The following HERPUD1 variants were observed in gnomAD, a reference collection of about 807,000 sequenced individuals.
The protein encoded by HERPUD1 is homocysteine inducible ER protein with ubiquitin like domain 1.
Under a neutral mutation model 45.0 loss-of-function variants are expected in HERPUD1, and 17 were observed. The observed-to-expected ratio is 0.38, with a 90% CI of 0.26 to 0.57. The LOEUF (loss-of-function observed/expected upper bound fraction) is 0.57, where lower values mean the gene tolerates loss of function less well. Among genes scored for constraint, HERPUD1 ranks in the 20% least tolerant of loss-of-function variants. The pLI is 0.72. For synonymous variants in HERPUD1, 164 were observed against 177.5 expected (o/e 0.92, Z 0.61); for missense variants, 420 against 490.5 (o/e 0.86, Z 1.36).
rs746452617 is a variant in HERPUD1 at position 56,932,341 on chromosome 16, A to G, written c.97A>G (p.Ser33Gly). 1 of 1,601,906 alleles carries G rather than the reference A, an allele frequency of 6.2e-7. No individual in the cohort carries two copies. Among genetic ancestry groups the G allele is most frequent in the South Asian group, 1.1e-5 (1 of 90,228 alleles). Residue 33 changes from serine (S) to glycine (G), a missense_variant, in exon 1 of 8, where the codon AGT (serine) becomes GGT (glycine). Ser to Gly is a moderately conservative substitution (Grantham distance 56). Transcript: ENST00000439977. ...DLELSGDRGW[S>G]VGHLKAHLSR... is the part of the protein sequence containing the mutation. ...GGAGCTGAGTGGCGACCGCGGCTGG[A>G]GTGTGGGCCACCTCAAGGCCCACCT...
At chr16:56,942,335 A>G in intron 7 of HERPUD1, 98 bp downstream of exon 7, 1 of 710,462 alleles carries the variant, frequency 1.4e-6, no homozygotes, top group East Asian at 2.6e-5. Context: ...TTACCATTTT[A>G]TTGGGCTAAA....
intron 4 of HERPUD1, among the ~76,000 whole-genome samples, chr16:56,938,491 A>AGGTGGAG (rs2055883292): frequency 6.6e-6 from 1 of 151,052 alleles, no homozygotes; most frequent in East Asian, 2.0e-4. Context: ...TGAATCCGGG[A>AGGTGGAG]GGTGGAGCTT....
chr16:56,933,453 T>A, intron 1 of HERPUD1: 1 of 423,472 alleles, frequency 2.4e-6, no homozygotes, highest in Non-Finnish European at 4.7e-6. Flanking sequence ...GTGGCTGTGT[T>A]GCCATGAGAA....
At position 56,942,189 on chromosome 16, in the gene HERPUD1, T is replaced by C; in HGVS notation, c.963T>C (p.Asp321=). Residue 321 remains aspartate, a synonymous_variant, in exon 7 of 8, where the codon GAT becomes GAC. Coordinates refer to ENST00000439977, the MANE Select transcript of HERPUD1 (RefSeq NM_014685.4). ...GGCCGGTTCAGAACTTCCCAAATGA[T>C]GGTCCTCCTCCTGACGTTGTAAATC... ...RPRPVQNFPN[D]GPPPDVVNQD... 6.2e-7 allele frequency: 1 copy of C among 1,614,200 alleles called. No individual in the cohort carries two copies. Among genetic ancestry groups the C allele is most frequent in the South Asian group, 1.1e-5 (1 of 91,090 alleles).
rs1409612822 is a variant in HERPUD1, at chr16:56,935,507, T to C, written c.300+32T>C. The C allele has an allele frequency of 1.3e-5, 20 of 1,572,198 alleles. No homozygotes were observed. The Admixed American group carries it at 2.2e-4, about 17-fold the overall frequency. On this transcript the variant is annotated intron_variant, in intron 3 of 7. Transcript: ENST00000439977. ...CTGCCTCTTCATGATGGTAACAATT[T>C]GTATCATTCAGACTTTCAGGGGAGT...
chr16:56,942,282 C>A, intron 7 of HERPUD1, 45 bp downstream of exon 7: 1 of 1,247,932 alleles, frequency 8.0e-7, no homozygotes, highest in Non-Finnish European at 1.2e-6. Flanking sequence ...ACGTGATATG[C>A]CAGGCTCTCC....
At chr16:56,932,789 C>A (rs2055837458) in intron 1 of HERPUD1, among the ~76,000 whole-genome samples, 1 of 152,228 alleles carries the variant, frequency 6.6e-6, no homozygotes, top group Admixed American at 6.5e-5. Flanking sequence ...GGGGCCGTGG[C>A]TTGAGAAACC....
chr16:56,932,361 C>T lies in HERPUD1; in HGVS notation c.117C>T (p.Ala39=). 1 of 1,597,108 alleles carries T rather than the reference C, an allele frequency of 6.3e-7. No individual in the cohort carries two copies. The highest frequency in any genetic ancestry group is 2.3e-5 in the East Asian group (1 of 44,254). ...GCTGGAGTGTGGGCCACCTCAAGGC[C>T]CACCTGAGCCGCGTCTACCCCGAGC... The part of the protein sequence containing the change: ...DRGWSVGHLK[A]HLSRVYPERP... The change falls in exon 1 of 8, where the codon GCC becomes GCT. Residue 39 remains alanine, a synonymous_variant. Coordinates refer to ENST00000439977, the MANE Select transcript of HERPUD1 (RefSeq NM_014685.4).
chr16:56,943,125 G>C lies in HERPUD1; in HGVS notation c.1012-1G>C. On this transcript the variant is annotated splice_acceptor_variant, in intron 7 of 7. Coordinates refer to ENST00000439977, the MANE Select transcript of HERPUD1 (RefSeq NM_014685.4). LOFTEE classifies it high-confidence loss of function. ...TTACCTCATTGTTTCATTACCTGTA[G>C]GAAGGCACTGATCCTGAAACTGAAG... 1 of 1,613,512 alleles carries C rather than the reference G, an allele frequency of 6.2e-7. No individual in the cohort carries two copies. The highest frequency in any genetic ancestry group is 8.5e-7 in the Non-Finnish European group (1 of 1,179,528).
intron 4 of HERPUD1, among the ~76,000 whole-genome samples, chr16:56,938,391 G>A (rs953228848): frequency 4.6e-5 from 7 of 152,082 alleles, no homozygotes; most frequent in East Asian, 1.9e-4. Context: ...GTGAAACCCC[G>A]TCTGTACTAA....
chr16:56,941,339 C>T (rs1454796044), intron 6 of HERPUD1: 1 of 152,204 alleles, frequency 6.6e-6, no homozygotes, highest in African/African-American at 2.4e-5. Flanking sequence ...ACCCTCTCTC[C>T]CCAGGGGACA....
intron 6 of HERPUD1, chr16:56,941,330 C>G (rs1359311121): frequency 6.6e-6 from 1 of 152,156 alleles, no homozygotes; most frequent in African/African-American, 2.4e-5. Context: ...TGGTTTTGTA[C>G]CCTCTCTCCC....
Position 56,943,650 on chromosome 16 carries a change from G to T in HERPUD1, c.*360G>T. ...CATAGAAGTCATAGATGCAGAAGTG[G>T]TTCTGCTGGTACGATTTGATTCCTG... On this transcript the variant is annotated 3_prime_UTR_variant, in exon 8 of 8. Transcript: ENST00000439977. 1 of 399,086 alleles carries T rather than the reference G, an allele frequency of 2.5e-6. No homozygotes were observed. The highest frequency in any genetic ancestry group is 2.9e-5 in the South Asian group (1 of 35,028). The allele number at this position is 399,086 out of a possible 1,614,324, so 24.7% of individuals were successfully genotyped here.
At chr16:56,933,926 G>GTAT (rs1435585580) in intron 1 of HERPUD1, among the ~76,000 whole-genome samples, 1 of 152,174 alleles carries the variant, frequency 6.6e-6, no homozygotes, top group African/African-American at 2.4e-5. Context: ...ATTCACGTAT[G>GTAT]TATTAGCATT....
intron 5 of HERPUD1, 80 bp from the exon 6 acceptor site, chr16:56,939,815 A>C: frequency 9.1e-7 from 1 of 1,093,750 alleles, no homozygotes; most frequent in East Asian, 2.4e-5. Flanking sequence ...CTTAACAGTA[A>C]AAGACTGCTG....
At chr16:56,941,092 C>T (rs1056727560) in intron 6 of HERPUD1, 2 of 152,218 alleles carry the variant, frequency 1.3e-5, no homozygotes, top group Admixed American at 6.5e-5. Context: ...AGATAAGCTA[C>T]CTTACCTTCC....
rs538846496 is a variant in HERPUD1 at position 56,932,168 on chromosome 16, A to G, written c.-77A>G. 2.1e-5 allele frequency: 33 copies of G among 1,564,264 alleles called. No individual in the cohort carries two copies. Among genetic ancestry groups the G allele is most frequent in the Middle Eastern group, 1.7e-4 (1 of 6,008 alleles). On this transcript the variant is annotated 5_prime_UTR_variant, in exon 1 of 8. Transcript: ENST00000439977. Reference sequence around the variant, plus strand: ...CCCCAGAGACGTGAACTGTCGTTGCAGAGATTGCGGGCGGCTGAGACGCCG... The same window carrying G: ...CCCCAGAGACGTGAACTGTCGTTGCGGAGATTGCGGGCGGCTGAGACGCCG...
chr16:56,943,290 A>G lies in HERPUD1; in HGVS notation c.1176A>G (p.Ter392TrpextTer11). ...AAGGCCCCCCAGCCATCGCAAACTGATGGTGTTTGTGCTGTAGCTGTTGGA... is the reference window on the plus strand; with the variant it reads ...AAGGCCCCCCAGCCATCGCAAACTGGTGGTGTTTGTGCTGTAGCTGTTGGA... ...LPEGPPAIAN[*>W] The change falls in exon 8 of 8, where the codon TGA becomes TGG. Residue 392 changes from the stop codon to tryptophan (W), a stop_lost. Coordinates refer to ENST00000439977, the MANE Select transcript of HERPUD1 (RefSeq NM_014685.4). The G allele has an allele frequency of 6.2e-7, 1 of 1,613,880 alleles. No individual in the cohort carries two copies. The highest frequency in any genetic ancestry group is 8.5e-7 in the Non-Finnish European group (1 of 1,180,018).
chr16:56,932,259 C>T lies in HERPUD1; in HGVS notation c.15C>T (p.Thr5=), dbSNP rs772648277. The change falls in exon 1 of 8, where the codon ACC becomes ACT. Residue 5 remains threonine, a synonymous_variant. Transcript: ENST00000439977. The part of the protein sequence containing the change: MESE[T]EPEPVTLLVK... ...CCGCCGCCGCCATGGAGTCCGAGACCGAACCCGAGCCCGTCACGCTCCTGG... is the reference window on the plus strand; with the variant it reads ...CCGCCGCCGCCATGGAGTCCGAGACTGAACCCGAGCCCGTCACGCTCCTGG... 13 of 1,608,458 alleles carry T rather than the reference C, an allele frequency of 8.1e-6. No individual in the cohort carries two copies. In the Admixed American group the frequency reaches 1.3e-4, roughly 17 times the overall value.
Sources: gnomAD v4.1 joint callset for allele counts (sites outside exome capture counted in the v4.1 genomes callset) on GRCh38, gnomAD v4.1.1 for gene constraint, MANE v1.5 for transcripts, NCBI Gene and HGNC (gene_info 2026-07-23, HGNC 2026-07-21) for gene names.